Variants in SRPX observed in about 807,000 individuals in gnomAD.
SRPX encodes sushi repeat-containing protein SRPX.
A neutral mutation model predicts 38.1 loss-of-function variants in SRPX; 24 were observed. That is an observed-to-expected ratio of 0.63 (90% CI 0.46 to 0.89). The LOEUF (loss-of-function observed/expected upper bound fraction) is 0.89, where lower values mean the gene tolerates loss of function less well. Ranked by LOEUF, SRPX falls within the 40% of genes least tolerant of loss-of-function variation. The probability of loss-of-function intolerance (pLI) is 0.00; values close to 1 mark genes in which losing one functional copy is unlikely to be tolerated. For synonymous variants in SRPX, 184 were observed against 153.8 expected (o/e 1.20, Z -1.45); for missense variants, 416 against 377.8 (o/e 1.10, Z -0.84).
chrX:38,193,317 G>A (rs946982267), intron 1 of SRPX, among the ~76,000 whole-genome samples: 8 of 111,717 alleles, frequency 7.2e-5, no homozygotes, highest in African/African-American at 2.0e-4. Context: ...TTGTTAGTAT[G>A]GGTCTTTTAA....
intron 5 of SRPX, among the ~76,000 whole-genome samples, chrX:38,161,779 G>A (rs1044611262): frequency 8.9e-6 from 1 of 111,797 alleles, no homozygotes; most frequent in African/African-American, 3.3e-5. Context: ...CTTGCCCAAG[G>A]TCACACAGCT....
chrX:38,201,570 G>A (rs1223987257), intron 1 of SRPX, among the ~76,000 whole-genome samples: 9 of 111,800 alleles, frequency 8.1e-5, no homozygotes, highest in Admixed American at 1.9e-4. Flanking sequence ...GGTGGCTCAC[G>A]CCTGTAATCC....
chrX:38,208,448 C>T (rs1052834607), intron 1 of SRPX, among the ~76,000 whole-genome samples: 3 of 112,180 alleles, frequency 2.7e-5, no homozygotes, highest in Non-Finnish European at 5.6e-5. Context: ...TGGTTTATTT[C>T]ACTGAACATT....
In SRPX at chrX:38,156,942, G is replaced by T. The variant is rs771104950; in HGVS notation, c.1043C>A (p.Pro348His). Residue 348 changes from proline (P) to histidine (H), a missense_variant, in exon 8 of 10, where the codon CCC becomes CAC. Transcript: ENST00000378533. Reference sequence around the variant, plus strand: ...CCGGTAAAGGAGGTTTCGGGCTGTGGGTGTGGACACAATGAGGAGTCTCCT... The same window carrying T: ...CCGGTAAAGGAGGTTTCGGGCTGTGTGTGTGGACACAATGAGGAGTCTCCT... ...EKRRLLIVST[P>H]TARNLLYRLQ... is the part of the protein sequence containing the mutation. 3 of 1,211,339 alleles carry T rather than the reference G, an allele frequency of 2.5e-6. No homozygotes were observed. Among genetic ancestry groups the T allele is most frequent in the Non-Finnish European group, 3.4e-6 (3 of 895,324 alleles).
At position 38,179,212 on chromosome X, in the gene SRPX, C is replaced by T. The variant is rs1265888155; in HGVS notation, c.98-868G>A. 7.1e-5 allele frequency among the ~76,000 whole-genome samples: 8 copies of T among 111,997 alleles called. No individual in the cohort carries two copies. The Admixed American group carries it at 7.5e-4, about 11-fold the overall frequency. ...CTGCCCGCCTCGGCCTCACAAAGTG[C>T]TGGGATTACAGGCGTGAGCCACCGT... On this transcript the variant is annotated intron_variant, in intron 1 of 9. Coordinates refer to ENST00000378533, the MANE Select transcript of SRPX (RefSeq NM_006307.5).
chrX:38,193,338 T>C (rs191574559), intron 1 of SRPX, among the ~76,000 whole-genome samples: 1 of 111,885 alleles, frequency 8.9e-6, no homozygotes, highest in East Asian at 2.8e-4. Context: ...TGTTCTTCTA[T>C]GTGTAGTAGT....
intron 1 of SRPX, among the ~76,000 whole-genome samples, chrX:38,204,686 T>C (rs1018798776): frequency 3.6e-5 from 4 of 112,137 alleles, no homozygotes; most frequent in African/African-American, 1.3e-4. Flanking sequence ...TTCTGTTACT[T>C]CTCATGTAAT....
At chrX:38,180,003 G>A (rs915033501) in intron 1 of SRPX, among the ~76,000 whole-genome samples, 2 of 110,798 alleles carry the variant, frequency 1.8e-5, no homozygotes, top group East Asian at 2.9e-4. Flanking sequence ...TGAATCAAAG[G>A]CCTATGCTCA....
intron 2 of SRPX, among the ~76,000 whole-genome samples, chrX:38,177,274 G>T (rs891053594): frequency 9.0e-6 from 1 of 111,456 alleles, no homozygotes; most frequent in Non-Finnish European, 1.9e-5. Flanking sequence ...GAAACTATAG[G>T]TAGGAATGAG....
intron 3 of SRPX, among the ~76,000 whole-genome samples, chrX:38,173,127 G>C (rs1938504330): frequency 8.9e-6 from 1 of 112,313 alleles, no homozygotes; most frequent in Non-Finnish European, 1.9e-5. Context: ...CAGTTTCCCT[G>C]ACAATGAAGT....
intron 5 of SRPX, 34 bp downstream of exon 5, chrX:38,164,735 G>A: frequency 2.5e-6 from 3 of 1,204,014 alleles, no homozygotes; most frequent in Non-Finnish European, 3.4e-6. Context: ...ACATAAAAGA[G>A]ACAGCATCAT....
At chrX:38,207,491 C>T (rs185734128) in intron 1 of SRPX, among the ~76,000 whole-genome samples, 1 of 112,478 alleles carries the variant, frequency 8.9e-6, no homozygotes, top group East Asian at 2.8e-4. Flanking sequence ...TAAAGTAAAA[C>T]CAGACAGTGG....
At chrX:38,187,721 G>A (rs1348261992) in intron 1 of SRPX, among the ~76,000 whole-genome samples, 2 of 111,906 alleles carry the variant, frequency 1.8e-5, no homozygotes, top group Admixed American at 1.9e-4. Context: ...GACAGAAATG[G>A]GCTAACAAAG....
At position 38,160,139 on chromosome X, in the gene SRPX, T is replaced by C. The variant is rs1569204080; in HGVS notation, c.833A>G (p.Asp278Gly). ...PENGYMKCSS[D>G]GDNYGATCEF... ...ACAGGTGGCTCCATAATTATCACCG[T>C]CGCTGGAGCACTTCATGTAACCATT... Residue 278 changes from aspartate (D) to glycine (G), a missense_variant, in exon 7 of 10, where the codon GAC becomes GGC. Transcript: ENST00000378533. 8.3e-7 allele frequency: 1 copy of C among 1,211,926 alleles called. No homozygotes were observed. The highest frequency in any genetic ancestry group is 3.0e-5 in the East Asian group (1 of 33,844).
chrX:38,180,470 C>T (rs914727824), intron 1 of SRPX, among the ~76,000 whole-genome samples: 2 of 111,819 alleles, frequency 1.8e-5, no homozygotes, highest in Non-Finnish European at 3.8e-5. Context: ...CAAACCATTC[C>T]CCATGTACTG....
At chrX:38,160,799 C>G in intron 6 of SRPX, 134 bp downstream of exon 6, 5 of 807,829 alleles carry the variant, frequency 6.2e-6, no homozygotes, top group Non-Finnish European at 8.8e-6. Flanking sequence ...TTCCCCAAGC[C>G]TTATTAGAGA....
At chrX:38,180,260 A>C (rs993961875) in intron 1 of SRPX, among the ~76,000 whole-genome samples, 4 of 111,718 alleles carry the variant, frequency 3.6e-5, no homozygotes, top group African/African-American at 1.3e-4. Context: ...CTACCCATTC[A>C]TTTCATGAAG....
chrX:38,219,726 T>G (rs768727198), intron 1 of SRPX, among the ~76,000 whole-genome samples: 5 of 111,882 alleles, frequency 4.5e-5, no homozygotes, highest in African/African-American at 1.6e-4. Flanking sequence ...ACCCTAGATT[T>G]AAGCTGCCCA....
intron 1 of SRPX, among the ~76,000 whole-genome samples, chrX:38,212,889 C>T (rs1036445139): frequency 1.8e-5 from 2 of 111,570 alleles, no homozygotes; most frequent in African/African-American, 6.5e-5. Context: ...TGCCTCTATC[C>T]TTTTCTTGCC....
Sources: allele counts gnomAD v4.1 joint callset (sites outside exome capture counted in the v4.1 genomes callset), GRCh38; gene constraint gnomAD v4.1.1; transcripts MANE v1.5; gene names NCBI Gene and HGNC (gene_info 2026-07-23, HGNC 2026-07-21).